ADAM7: variants seen among roughly 807,000 people sequenced by gnomAD.
The protein encoded by ADAM7 is ADAM metallopeptidase domain 7, also known as disintegrin and metalloproteinase domain-containing protein 7.
ADAM7 carries 97 observed loss-of-function variants against 102.9 expected under a neutral mutation model. That is an observed-to-expected ratio of 0.94 (90% confidence interval 0.80 to 1.12). The LOEUF (loss-of-function observed/expected upper bound fraction) is 1.12, where lower values mean the gene tolerates loss of function less well. Ranked by LOEUF, ADAM7 falls within the 50% of genes most tolerant of loss-of-function variation. The probability of loss-of-function intolerance (pLI) is 0.00; values close to 1 mark genes in which losing one functional copy is unlikely to be tolerated. For synonymous variants in ADAM7, 334 were observed against 304.4 expected (o/e 1.10, Z -1.01); for missense variants, 991 against 908.7 (o/e 1.09, Z -1.16).
At chr8:24,475,604 A>G (rs1020827886) in intron 7 of ADAM7, among the ~76,000 whole-genome samples, 20 of 152,154 alleles carry the variant, frequency 1.3e-4, no homozygotes, top group Non-Finnish European at 5.9e-5. Context: ...TGGAAGATGA[A>G]GATTGAAGAG....
intron 20 of ADAM7, among the ~76,000 whole-genome samples, chr8:24,505,591 T>C (rs780195462): frequency 6.6e-6 from 1 of 152,132 alleles, no homozygotes; most frequent in Non-Finnish European, 1.5e-5. Context: ...GGTCCGTCTT[T>C]GGCGTCTTTT....
intron 14 of ADAM7, 73 bp from the exon 15 acceptor site, chr8:24,492,422 G>T: frequency 9.0e-7 from 1 of 1,108,430 alleles, no homozygotes; most frequent in South Asian, 1.6e-5. Context: ...AATTACATTA[G>T]AAAAATAAGG....
chr8:24,482,631 C>T (rs1819997317), intron 9 of ADAM7, among the ~76,000 whole-genome samples: 1 of 152,020 alleles, frequency 6.6e-6, no homozygotes, highest in Non-Finnish European at 1.5e-5. Flanking sequence ...CACCCATGGT[C>T]CCAGCTACTT....
At chr8:24,477,989 C>T (rs912766370) in intron 8 of ADAM7, among the ~76,000 whole-genome samples, 4 of 151,942 alleles carry the variant, frequency 2.6e-5, no homozygotes, top group Non-Finnish European at 5.9e-5. Context: ...GAAATTCCCT[C>T]ATCTTTTCAA....
At chr8:24,460,661 A>G (rs896632436) in intron 3 of ADAM7, among the ~76,000 whole-genome samples, 15 of 152,138 alleles carry the variant, frequency 9.9e-5, no homozygotes, top group Admixed American at 3.3e-4. Context: ...AAACATTGCA[A>G]TAAGTTCATT....
At chr8:24,495,800 A>C (rs911040530) in intron 16 of ADAM7, among the ~76,000 whole-genome samples, 3 of 152,196 alleles carry the variant, frequency 2.0e-5, no homozygotes, top group Admixed American at 6.5e-5. Flanking sequence ...GGTGCTGTTA[A>C]ATGCATTCAG....
intron 9 of ADAM7, among the ~76,000 whole-genome samples, chr8:24,484,802 C>CTTTTTTTTTTT (rs544478529): frequency 1.1e-5 from 1 of 91,952 alleles, no homozygotes; most frequent in Non-Finnish European, 2.0e-5. Flanking sequence ...ATTGCACTGG[C>CTTTTTTTTTTT]TTTTTTTTTT....
At chr8:24,471,424 C>A (rs1042090390) in intron 7 of ADAM7, among the ~76,000 whole-genome samples, 9 of 151,310 alleles carry the variant, frequency 5.9e-5, no homozygotes, top group African/African-American at 1.9e-4. Flanking sequence ...TCCAGGCCTA[C>A]AAGCTCCATT....
At chr8:24,451,960 T>A (rs1281663639) in intron 3 of ADAM7, among the ~76,000 whole-genome samples, 5 of 152,094 alleles carry the variant, frequency 3.3e-5, no homozygotes, top group Non-Finnish European at 5.9e-5. Context: ...TTGAGCGGTT[T>A]TGAGTGAGTT....
chr8:24,466,778 T>C (rs2129382335), intron 5 of ADAM7, 21 bp from the exon 6 acceptor site: 1 of 1,603,528 alleles, frequency 6.2e-7, no homozygotes. Context: ...TGAATACAAA[T>C]TGTGTTCCCA....
chr8:24,449,439 C>G (rs1209251623), intron 3 of ADAM7, among the ~76,000 whole-genome samples: 3 of 152,182 alleles, frequency 2.0e-5, no homozygotes, highest in Admixed American at 1.3e-4. Context: ...TTTTTGGCTG[C>G]ATAAATATCT....
intron 10 of ADAM7, among the ~76,000 whole-genome samples, chr8:24,485,879 C>T (rs569415147): frequency 6.6e-6 from 1 of 152,240 alleles, no homozygotes; most frequent in African/African-American, 2.4e-5. Context: ...GTAACCCCAT[C>T]TGAGAGATGC....
chr8:24,506,653 C>CA (rs540931446), intron 20 of ADAM7, among the ~76,000 whole-genome samples: 6 of 151,936 alleles, frequency 3.9e-5, no homozygotes, highest in Non-Finnish European at 8.8e-5. Flanking sequence ...CTGGAACCCT[C>CA]AGTTAGATGA....
intron 13 of ADAM7, among the ~76,000 whole-genome samples, chr8:24,491,381 G>A (rs1314589719): frequency 6.6e-6 from 1 of 152,140 alleles, no homozygotes; most frequent in African/African-American, 2.4e-5. Context: ...CATATCTTAT[G>A]CATCTTCAAA....
At position 24,493,160 on chromosome 8, in the gene ADAM7, T is replaced by C. The variant is rs1820426938; in HGVS notation, c.1773T>C (p.Thr591=). The C allele has an allele frequency of 1.9e-6, 3 of 1,613,436 alleles. No individual in the cohort carries two copies. The highest frequency in any genetic ancestry group is 2.5e-6 in the Non-Finnish European group (3 of 1,179,668). The stretch of plus-strand genomic sequence containing the variant: ...AGAATGCTACTGTCAAATGCAAAAC[T>C]ATTTTTTTATACCATGATTCTACAG... ...PQKNATVKCK[T]IFLYHDSTDI... is the part of the protein sequence containing the mutation. The change falls in exon 16 of 22, where the codon ACT becomes ACC. Residue 591 remains threonine, a synonymous_variant. Coordinates refer to ENST00000175238, the MANE Select transcript of ADAM7 (RefSeq NM_003817.4).
intron 3 of ADAM7, among the ~76,000 whole-genome samples, chr8:24,457,886 G>GTT (rs1819098918): frequency 6.6e-6 from 1 of 151,806 alleles, no homozygotes; most frequent in East Asian, 1.9e-4. Flanking sequence ...GTGTGTGTGT[G>GTT]TGTGTAATTT....
chr8:24,496,943 TGGGAGG>T (rs1820577395), intron 16 of ADAM7, among the ~76,000 whole-genome samples: 3 of 152,150 alleles, frequency 2.0e-5, no homozygotes, highest in Admixed American at 2.0e-4. Flanking sequence ...ACATGAGATT[TGGGAGG>T]GGCCAGGGAC....
rs369566813 is a variant in ADAM7, at chr8:24,490,898, T to C, written c.1356+10T>C. 3.7e-5 allele frequency: 60 copies of C among 1,604,172 alleles called. 1 individual carries two copies. The highest frequency in any genetic ancestry group is 2.1e-4 in the Admixed American group (12 of 58,408). On this transcript the variant is annotated intron_variant, in intron 13 of 21. Coordinates refer to ENST00000175238, the MANE Select transcript of ADAM7 (RefSeq NM_003817.4). ...CTGTGAATCTTGTCAGGTAAGGTCA[T>C]GTGCCAGGAGAAGGTTTTTTTTTTT... is the stretch of plus-strand genomic sequence containing the variant.
chr8:24,443,837 C>CTGA (rs780337428), intron 2 of ADAM7, among the ~76,000 whole-genome samples: 3 of 151,936 alleles, frequency 2.0e-5, no homozygotes, highest in Non-Finnish European at 2.9e-5. Context: ...ACTCCGGAGG[C>CTGA]TGAGGTGAAT....
Sources: gnomAD v4.1 joint callset for allele counts (sites outside exome capture counted in the v4.1 genomes callset) on GRCh38, gnomAD v4.1.1 for gene constraint, MANE v1.5 for transcripts, NCBI Gene and HGNC (gene_info 2026-07-23, HGNC 2026-07-21) for gene names.